The following GNG11 variants were observed in gnomAD, a reference collection of about 807,000 sequenced individuals.
GNG11 encodes guanine nucleotide-binding protein G(I)/G(S)/G(O) subunit gamma-11.
In GNG11, 6 loss-of-function variants were observed where a neutral mutation model predicts 7.4. The ratio of observed to expected loss-of-function variants is 0.81; its 90% CI spans 0.44 to 1.60. The LOEUF is 1.60. GNG11 is among the 40% of genes most tolerant of loss of function. The pLI, the probability that GNG11 is intolerant of heterozygous loss-of-function variation, is 0.01. For synonymous variants in GNG11, 31 were observed against 25.9 expected, an observed-to-expected ratio of 1.20 and a Z score of -0.60; for missense variants, 65 against 83.0, an observed-to-expected ratio of 0.78 and a Z score of 0.84.
In GNG11 at chr7:93,921,939, G is replaced by T; in HGVS notation, c.-199G>T. The T allele has an allele frequency of 2.1e-6, 1 of 466,618 alleles. No homozygotes were observed. Among genetic ancestry groups the T allele is most frequent in the Non-Finnish European group, 3.9e-6 (1 of 254,694 alleles). The allele number at this position is 466,618 out of a possible 1,614,324, so 28.9% of individuals were successfully genotyped here. On this transcript the variant is annotated 5_prime_UTR_variant, in exon 1 of 2. Transcript: ENST00000248564. Reference sequence around the variant, plus strand: ...AGGCAGAGTTCTCAGGTCCTAGGAAGCTGGGGCACGCTGGCGTGACAAGCG... The same window carrying T: ...AGGCAGAGTTCTCAGGTCCTAGGAATCTGGGGCACGCTGGCGTGACAAGCG...
chr7:93,923,357 C>G (rs948966044), intron 1 of GNG11, among the ~76,000 whole-genome samples: 14 of 152,238 alleles, frequency 9.2e-5, no homozygotes, highest in African/African-American at 3.1e-4. Context: ...ACATCCAAAT[C>G]CCGGCTCTTC....
Position 93,928,175 on chromosome 7 carries a change from A to G in GNG11, c.*1959A>G, listed in dbSNP as rs570964585. The G allele has an allele frequency of 7.9e-5, 12 of 151,040 alleles. No homozygotes were observed. Among genetic ancestry groups the G allele is most frequent in the African/African-American group, 2.5e-4 (10 of 40,348 alleles). 9.4% of individuals were successfully genotyped at this position (151,040 alleles called of 1,614,324 possible). A position where few individuals can be genotyped will look rare whatever the true frequency, so the allele number is the denominator to read the frequency against. The stretch of plus-strand genomic sequence containing the variant: ...TGTTGGGAGTTGCGATTACAAGTCT[A>G]TATCCTGATTTCTATTAGCACATTC... On this transcript the variant is annotated 3_prime_UTR_variant, in exon 2 of 2. Coordinates refer to ENST00000248564, the MANE Select transcript of GNG11 (RefSeq NM_004126.4).
At chr7:93,922,851 C>T (rs971142480) in intron 1 of GNG11, among the ~76,000 whole-genome samples, 3 of 152,030 alleles carry the variant, frequency 2.0e-5, no homozygotes, top group African/African-American at 7.2e-5. Context: ...CACTGTGGTG[C>T]ATATGAAAAA....
At position 93,926,775 on chromosome 7, in the gene GNG11, G is replaced by A. The variant is rs764001772; in HGVS notation, c.*559G>A. On this transcript the variant is annotated 3_prime_UTR_variant, in exon 2 of 2. Coordinates refer to ENST00000248564, the MANE Select transcript of GNG11 (RefSeq NM_004126.4). ...AACATTGACAGAAGTCAGATTATCT[G>A]AGTCAGGAACAAGGCCAAGCCACAT... The A allele has an allele frequency of 3.3e-5, 5 of 152,274 alleles. No homozygotes were observed. The highest frequency in any genetic ancestry group is 5.9e-5 in the Non-Finnish European group (4 of 68,108). 9.4% of individuals were successfully genotyped at this position (152,274 alleles called of 1,614,324 possible).
chr7:93,926,067 T>C (rs1451810447), intron 1 of GNG11, 24 bp from the exon 2 acceptor site: 4 of 1,420,218 alleles, frequency 2.8e-6, no homozygotes, highest in Non-Finnish European at 3.8e-6. Context: ...ACCTAATGTA[T>C]TCTCTTTTTT....
At chr7:93,924,600 T>C (rs1794651364) in intron 1 of GNG11, among the ~76,000 whole-genome samples, 1 of 152,244 alleles carries the variant, frequency 6.6e-6, no homozygotes, top group Non-Finnish European at 1.5e-5. Context: ...CAGAGGATAA[T>C]CATTTGGGGT....
rs1304961774 is a variant in GNG11, at chr7:93,928,044, C to A, written c.*1828C>A. On this transcript the variant is annotated 3_prime_UTR_variant, in exon 2 of 2. Transcript: ENST00000248564. ...CATTTCTTTGCACTTATAAAGTTTT[C>A]TTCTGTTGCCTATGAAAGCAAACAT... 4 of 152,168 alleles carry A rather than the reference C, an allele frequency of 2.6e-5. No individual in the cohort carries two copies. Among genetic ancestry groups the A allele is most frequent in the Non-Finnish European group, 5.9e-5 (4 of 68,014 alleles). The allele number at this position is 152,168 out of a possible 1,614,324, so 9.4% of individuals were successfully genotyped here.
intron 1 of GNG11, 27 bp downstream of exon 1, chr7:93,922,260 C>A: frequency 2.2e-6 from 3 of 1,363,226 alleles, no homozygotes; most frequent in South Asian, 1.3e-5. Flanking sequence ...GGAATATTTC[C>A]TTCTCTGAAA....
Position 93,926,366 on chromosome 7 carries a change from A to G in GNG11, c.*150A>G, listed in dbSNP as rs771253629. 132 of 510,778 alleles carry G rather than the reference A, an allele frequency of 2.6e-4. 2 individuals carry two copies. Among genetic ancestry groups the G allele is most frequent in the Non-Finnish European group, 4.8e-5 (14 of 289,552 alleles). 31.6% of individuals were successfully genotyped at this position (510,778 alleles called of 1,614,324 possible). A position where few individuals can be genotyped will look rare whatever the true frequency, so the allele number is the denominator to read the frequency against. Reference sequence around the variant, plus strand: ...TAGATAGGGTTATGTATAAAAGCATATGTGCTACTCATCTTTGCTCACTAT... The same window carrying G: ...TAGATAGGGTTATGTATAAAAGCATGTGTGCTACTCATCTTTGCTCACTAT... On this transcript the variant is annotated 3_prime_UTR_variant, in exon 2 of 2. Transcript: ENST00000248564.
intron 1 of GNG11, among the ~76,000 whole-genome samples, chr7:93,925,495 G>C (rs1464553336): frequency 6.6e-6 from 1 of 152,120 alleles, no homozygotes; most frequent in Non-Finnish European, 1.5e-5. Context: ...ATTCTGAGGA[G>C]CAACACAGAG....
rs1005888860 is a variant in GNG11, at chr7:93,926,666, T to A, written c.*450T>A. 1 of 152,630 alleles carries A rather than the reference T, an allele frequency of 6.6e-6. No individual in the cohort carries two copies. The highest frequency in any genetic ancestry group is 1.9e-4 in the East Asian group (1 of 5,198). 9.5% of individuals were successfully genotyped at this position (152,630 alleles called of 1,614,324 possible). A position where few individuals can be genotyped will look rare whatever the true frequency, so the allele number is the denominator to read the frequency against. On this transcript the variant is annotated 3_prime_UTR_variant, in exon 2 of 2. Transcript: ENST00000248564. ...ATCACATCTCCAAACCCTGCGTCAATGGTTTAGAGTGCTGAGTTCTGACCT... is the reference window on the plus strand; with the variant it reads ...ATCACATCTCCAAACCCTGCGTCAAAGGTTTAGAGTGCTGAGTTCTGACCT...
rs1794707295 is a variant in GNG11, at chr7:93,928,232, AG to A, written c.*2017del. 6.6e-6 allele frequency: 1 copy of A among 152,164 alleles called. No individual in the cohort carries two copies. Among genetic ancestry groups the A allele is most frequent in the Non-Finnish European group, 1.5e-5 (1 of 68,036 alleles). The allele number at this position is 152,164 out of a possible 1,614,324, so 9.4% of individuals were successfully genotyped here. Reference sequence around the variant, plus strand: ...CCATTTGTGTACACTCCCAAGTCCTAGCTTTTGCTCTTCATGTCTCTTTCAA... The same window carrying A: ...CCATTTGTGTACACTCCCAAGTCCTACTTTTGCTCTTCATGTCTCTTTCAA... On this transcript the variant is annotated 3_prime_UTR_variant, in exon 2 of 2. Transcript: ENST00000248564.
Position 93,926,280 on chromosome 7 carries a change from A to C in GNG11, c.*64A>C. On this transcript the variant is annotated 3_prime_UTR_variant, in exon 2 of 2. Transcript: ENST00000248564. ...GTTTGTTTTAGTTTTCCCAGATAAA[A>C]CCAACATGCTTTTTAAGGAAGGAAG... The C allele has an allele frequency of 8.1e-7, 1 of 1,240,352 alleles. No individual in the cohort carries two copies. The highest frequency in any genetic ancestry group is 1.6e-5 in the South Asian group (1 of 62,244). The allele number at this position is 1,240,352 out of a possible 1,614,324, so 76.8% of individuals were successfully genotyped here. A position where few individuals can be genotyped will look rare whatever the true frequency, so the allele number is the denominator to read the frequency against.
At chr7:93,922,272 G>C in intron 1 of GNG11, 39 bp downstream of exon 1, 1 of 1,248,870 alleles carries the variant, frequency 8.0e-7, no homozygotes, top group Non-Finnish European at 1.1e-6. Context: ...TCTCTGAAAT[G>C]AAGCAGGGTC....
rs1794685186 is a variant in GNG11 at position 93,926,755 on chromosome 7, T to G, written c.*539T>G. ...TGAGCAGGTAGAATTCCTATAACAT[T>G]GACAGAAGTCAGATTATCTGAGTCA... On this transcript the variant is annotated 3_prime_UTR_variant, in exon 2 of 2. Coordinates refer to ENST00000248564, the MANE Select transcript of GNG11 (RefSeq NM_004126.4). 6.6e-6 allele frequency: 1 copy of G among 152,272 alleles called. No individual in the cohort carries two copies. The highest frequency in any genetic ancestry group is 1.5e-5 in the Non-Finnish European group (1 of 68,102). The allele number at this position is 152,272 out of a possible 1,614,324, so 9.4% of individuals were successfully genotyped here.
chr7:93,925,005 A>G (rs555514469), intron 1 of GNG11, among the ~76,000 whole-genome samples: 2 of 152,206 alleles, frequency 1.3e-5, no homozygotes, highest in East Asian at 3.9e-4. Context: ...TCTACTAAAA[A>G]TACAAAAAAT....
chr7:93,926,088 A>C lies in GNG11; in HGVS notation c.97-3A>C, dbSNP rs1325669971. 1 of 1,498,510 alleles carries C rather than the reference A, an allele frequency of 6.7e-7. No homozygotes were observed. The highest frequency in any genetic ancestry group is 9.0e-7 in the Non-Finnish European group (1 of 1,105,676). The allele number at this position is 1,498,510 out of a possible 1,614,324, so 92.8% of individuals were successfully genotyped here. ...TGTATTCTCTTTTTTTTCTATACTT[A>C]AGGTGTCTAAATGTTCTGAAGAAAT... On this transcript the variant is annotated splice_polypyrimidine_tract_variant and splice_region_variant and intron_variant, in intron 1 of 1. Transcript: ENST00000248564.
intron 1 of GNG11, among the ~76,000 whole-genome samples, chr7:93,924,890 C>G (rs560952791): frequency 6.6e-6 from 1 of 152,180 alleles, no homozygotes; most frequent in Non-Finnish European, 1.5e-5. Flanking sequence ...TGCGGCCTGG[C>G]GCGGTGTCCC....
At position 93,927,786 on chromosome 7, in the gene GNG11, A is replaced by G. The variant is rs1313356049; in HGVS notation, c.*1570A>G. ...TCCTTCAGTTTCCTGACACTGTCCA[A>G]GTGATGACATCAATTGGCATTACTG... On this transcript the variant is annotated 3_prime_UTR_variant, in exon 2 of 2. Coordinates refer to ENST00000248564, the MANE Select transcript of GNG11 (RefSeq NM_004126.4). 6.6e-6 allele frequency: 1 copy of G among 152,186 alleles called. No homozygotes were observed. The highest frequency in any genetic ancestry group is 1.5e-5 in the Non-Finnish European group (1 of 68,046). The allele number at this position is 152,186 out of a possible 1,614,324, so 9.4% of individuals were successfully genotyped here. A position where few individuals can be genotyped will look rare whatever the true frequency, so the allele number is the denominator to read the frequency against.
Sources: allele counts gnomAD v4.1 joint callset (sites outside exome capture counted in the v4.1 genomes callset), GRCh38; gene constraint gnomAD v4.1.1; transcripts MANE v1.5; gene names NCBI Gene and HGNC (gene_info 2026-07-23, HGNC 2026-07-21).